The following TCF12 variants were observed in gnomAD, a reference collection of about 807,000 sequenced individuals.
The protein encoded by TCF12 is DNA-binding protein HTF4.
In TCF12, 45 loss-of-function variants were observed where a neutral mutation model predicts 86.0. The ratio of observed to expected loss-of-function variants is 0.52; its 90% CI spans 0.41 to 0.67. The LOEUF (loss-of-function observed/expected upper bound fraction) is 0.67. TCF12 is among the 30% of genes least tolerant of loss of function. The probability of loss-of-function intolerance (pLI) is 0.00; values close to 1 mark genes in which losing one functional copy is unlikely to be tolerated. For missense variants in TCF12, 881 were observed against 859.9 expected (o/e 1.02, Z -0.31); for synonymous variants, 330 against 299.6 (o/e 1.10, Z -1.05).
At chr15:57,219,027 A>G (rs1169796220) in intron 8 of TCF12, 3 of 1,044,408 alleles carry the variant, frequency 2.9e-6, no homozygotes, top group African/African-American at 3.3e-5. Context: ...GTGTTTATCA[A>G]AGTTGAAGCA....
In TCF12 at chr15:57,216,247, G is replaced by A. The variant is rs571172209; in HGVS notation, c.580-14905G>A. ...TATATGGCTCCAAGTTACGTATTTT[G>A]TCAGGGTCCTCTGGCATTTTCACTA... On this transcript the variant is annotated intron_variant, in intron 8 of 20. Transcript: ENST00000333725. 2.6e-5 allele frequency among the ~76,000 whole-genome samples: 4 copies of A among 152,176 alleles called. No homozygotes were observed. In the South Asian group the frequency reaches 8.3e-4, roughly 32 times the overall value.
intron 3 of TCF12, among the ~76,000 whole-genome samples, chr15:57,044,502 G>C (rs936258487): frequency 6.6e-6 from 1 of 152,082 alleles, no homozygotes; most frequent in South Asian, 2.1e-4. Context: ...AATTTACAGG[G>C]CATATATTCT....
chr15:56,957,033 A>G (rs1816590532), intron 3 of TCF12, among the ~76,000 whole-genome samples: 1 of 152,228 alleles, frequency 6.6e-6, no homozygotes, highest in Non-Finnish European at 1.5e-5. Flanking sequence ...TGCCATTATC[A>G]TGGGAGTAGG....
intron 8 of TCF12, among the ~76,000 whole-genome samples, chr15:57,200,499 T>C (rs1037956329): frequency 4.6e-5 from 7 of 152,238 alleles, no homozygotes; most frequent in African/African-American, 1.7e-4. Flanking sequence ...TTGAATATTA[T>C]ACTTTCCAAA....
At chr15:56,922,630 T>C (rs140931198) in intron 3 of TCF12, among the ~76,000 whole-genome samples, 112 of 152,148 alleles carry the variant, frequency 7.4e-4, no homozygotes, top group African/African-American at 2.5e-3. Flanking sequence ...TAGGAACTTT[T>C]AGTTTTAAAA....
intron 15 of TCF12, 117 bp from the exon 16 acceptor site, chr15:57,253,145 A>T: frequency 9.1e-7 from 1 of 1,096,844 alleles, no homozygotes; most frequent in Non-Finnish European, 1.3e-6. Flanking sequence ...TTTTGAAGCT[A>T]CTTGATACTG....
chr15:56,988,435 G>A (rs1476518456), intron 3 of TCF12, among the ~76,000 whole-genome samples: 1 of 152,246 alleles, frequency 6.6e-6, no homozygotes, highest in East Asian at 1.9e-4. Flanking sequence ...AAATGTTGTT[G>A]TAATCTTATG....
intron 3 of TCF12, among the ~76,000 whole-genome samples, chr15:56,993,956 CAG>C (rs1318940284): frequency 3.3e-5 from 5 of 152,174 alleles, no homozygotes; most frequent in Middle Eastern, 3.4e-3. Context: ...AATTATCTGA[CAG>C]AGATTTTATG....
At chr15:57,233,075 GT>G (rs35931406) in intron 11 of TCF12, among the ~76,000 whole-genome samples, 28 of 139,528 alleles carry the variant, frequency 2.0e-4, no homozygotes, top group East Asian at 6.2e-4. Flanking sequence ...GTATATGTGT[GT>G]TTTTTATATA....
chr15:57,183,465 T>C (rs1221102464), intron 6 of TCF12, among the ~76,000 whole-genome samples: 5 of 152,194 alleles, frequency 3.3e-5, no homozygotes, highest in African/African-American at 1.2e-4. Flanking sequence ...GGATCTGTCA[T>C]TTCTGCCCCT....
intron 3 of TCF12, among the ~76,000 whole-genome samples, chr15:57,027,886 T>TTTGTCTCTTCTTCACCTTCTGCCA (rs2065912501): frequency 6.6e-6 from 1 of 152,170 alleles, no homozygotes; most frequent in Non-Finnish European, 1.5e-5. Context: ...AGACTTTGCC[T>TTTGTCTCTTCTTCACCTTCTGCCA]TTGTCTCTTC....
At position 57,170,722 on chromosome 15, in the gene TCF12, T is replaced by TAATA. The variant is rs1427301623; in HGVS notation, c.390+4256_390+4257insAATA. Among the ~76,000 whole-genome samples the TAATA allele has an allele frequency of 1.6e-3, 42 of 25,862 alleles. 3 individuals carry two copies. The highest frequency in any genetic ancestry group is 2.8e-3 in the Non-Finnish European group (33 of 11,928). 17.0% of individuals were successfully genotyped at this position (25,862 alleles called of 152,430 possible). On this transcript the variant is annotated intron_variant, in intron 6 of 20. Transcript: ENST00000333725. The stretch of plus-strand genomic sequence containing the variant: ...TTATATATAATATATAATATATATA[T>TAATA]TATATATTATATATAATATATATTA...
chr15:57,002,537 C>G (rs1651586495), intron 3 of TCF12, among the ~76,000 whole-genome samples: 2 of 152,130 alleles, frequency 1.3e-5, no homozygotes, highest in Non-Finnish European at 2.9e-5. Context: ...AATTAATTGA[C>G]TCCTTCTGTA....
At chr15:57,121,730 A>T (rs1158482806) in intron 5 of TCF12, among the ~76,000 whole-genome samples, 1 of 152,356 alleles carries the variant, frequency 6.6e-6, no homozygotes, top group East Asian at 1.9e-4. Context: ...AGTCTCTAGA[A>T]CCATGAGAAA....
chr15:57,171,230 C>A (rs564306973), intron 6 of TCF12, among the ~76,000 whole-genome samples: 12 of 150,608 alleles, frequency 8.0e-5, no homozygotes, highest in Non-Finnish European at 1.3e-4. Context: ...GAGAAAGATA[C>A]CTTTTTTTTT....
intron 19 of TCF12, among the ~76,000 whole-genome samples, chr15:57,280,886 A>G (rs2061654648): frequency 6.6e-6 from 1 of 152,224 alleles, no homozygotes; most frequent in South Asian, 2.1e-4. Context: ...GGGCATTTTT[A>G]ATCCATTTAT....
At chr15:57,252,541 C>A in intron 15 of TCF12, 49 bp downstream of exon 15, 1 of 1,450,784 alleles carries the variant, frequency 6.9e-7, no homozygotes, top group Non-Finnish European at 9.7e-7. Context: ...ATTAATTATA[C>A]TTCCCACTAT....
chr15:57,003,017 G>A (rs2064142087), intron 3 of TCF12, among the ~76,000 whole-genome samples: 1 of 152,160 alleles, frequency 6.6e-6, no homozygotes, highest in African/African-American at 2.4e-5. Flanking sequence ...AGCAAACTTA[G>A]AAAAATTCAT....
intron 3 of TCF12, among the ~76,000 whole-genome samples, chr15:57,011,155 G>T (rs1478006524): frequency 6.6e-6 from 1 of 152,076 alleles, no homozygotes; most frequent in Non-Finnish European, 1.5e-5. Flanking sequence ...ATGTGGTTTG[G>T]GTGTTTGTGC....
Sources: allele counts gnomAD v4.1 joint callset (sites outside exome capture counted in the v4.1 genomes callset), GRCh38; gene constraint gnomAD v4.1.1; transcripts MANE v1.5; gene names NCBI Gene and HGNC (gene_info 2026-07-23, HGNC 2026-07-21).